Variants in RAB11FIP3 observed in about 807,000 individuals in gnomAD.
RAB11FIP3 encodes the protein RAB11 family interacting protein 3.
In RAB11FIP3, 17 loss-of-function variants were observed where a neutral mutation model predicts 77.8. The ratio of observed to expected loss-of-function variants is 0.22; its 90% confidence interval spans 0.15 to 0.33. RAB11FIP3 has a LOEUF of 0.33. Among genes scored for constraint, RAB11FIP3 ranks in the 10% least tolerant of loss-of-function variants. RAB11FIP3 has a pLI of 1.00. For missense variants in RAB11FIP3, 1,005 were observed against 1,011.2 expected, an observed-to-expected ratio of 0.99 and a Z score of 0.08; for synonymous variants, 437 against 448.2, an observed-to-expected ratio of 0.98 and a Z score of 0.31.
chr16:429,995 G>A (rs760475926), intron 1 of RAB11FIP3, among the ~76,000 whole-genome samples: 4 of 152,028 alleles, frequency 2.6e-5, no homozygotes, highest in East Asian at 1.9e-4. Flanking sequence ...ATCTAATTAC[G>A]TCATCTGGTG....
chr16:467,463 A>C (rs1417266550), intron 2 of RAB11FIP3, among the ~76,000 whole-genome samples: 1 of 149,898 alleles, frequency 6.7e-6, no homozygotes, highest in African/African-American at 2.5e-5. Flanking sequence ...CAGGGGCCTC[A>C]GGGAGGAGGT....
At chr16:449,282 A>G (rs1442905095) in intron 1 of RAB11FIP3, among the ~76,000 whole-genome samples, 1 of 152,120 alleles carries the variant, frequency 6.6e-6, no homozygotes, top group East Asian at 1.9e-4. Flanking sequence ...ACCAGGCGGG[A>G]CAGAGTGTCG....
chr16:476,975 G>A (rs2055923031), intron 3 of RAB11FIP3, among the ~76,000 whole-genome samples: 1 of 151,272 alleles, frequency 6.6e-6, no homozygotes, highest in Non-Finnish European at 1.5e-5. Flanking sequence ...TGTAATCTCA[G>A]CTACTCAGGA....
intron 9 of RAB11FIP3, among the ~76,000 whole-genome samples, chr16:516,064 G>T (rs988979041): frequency 6.6e-6 from 1 of 152,214 alleles, no homozygotes; most frequent in Admixed American, 6.5e-5. Context: ...TGGCCTCCCC[G>T]GCAGTGCAGA....
At chr16:499,605 G>C (rs561893599) in intron 6 of RAB11FIP3, among the ~76,000 whole-genome samples, 113 of 152,206 alleles carry the variant, frequency 7.4e-4, no homozygotes, top group African/African-American at 2.7e-3. Flanking sequence ...AGAACAGCCT[G>C]ACCAACATGG....
chr16:435,520 A>G lies in RAB11FIP3; in HGVS notation c.714+8800A>G, dbSNP rs111725424. Among the ~76,000 whole-genome samples, 914 of 152,358 alleles carry G rather than the reference A, an allele frequency of 6.0e-3. 14 individuals carry two copies. Among genetic ancestry groups the G allele is most frequent in the African/African-American group, 0.021 (865 of 41,578 alleles). ...TGATAGAGTGATGTACTAAATATAC[A>G]TCACACTTACAACCAGGTAGAATTG... On this transcript the variant is annotated intron_variant, in intron 1 of 13. Transcript: ENST00000262305.
In RAB11FIP3 at chr16:520,448, T is replaced by C; in HGVS notation, c.2017-11T>C. 6.2e-7 allele frequency: 1 copy of C among 1,613,090 alleles called. No individual in the cohort carries two copies. Among genetic ancestry groups the C allele is most frequent in the Non-Finnish European group, 8.5e-7 (1 of 1,179,936 alleles). ...GGCCACAGCCCAGTAGTGATGTTGC[T>C]GTGCCTTCAGGACAACCGCAACCTG... is the stretch of plus-strand genomic sequence containing the variant. On this transcript the variant is annotated splice_polypyrimidine_tract_variant and intron_variant, in intron 12 of 13. Transcript: ENST00000262305.
Position 426,229 on chromosome 16 carries a change from G to A in RAB11FIP3, c.223G>A (p.Ala75Thr), listed in dbSNP as rs1388160750. Residue 75 changes from alanine (A) to threonine (T), a missense_variant, in exon 1 of 14, where the codon GCC becomes ACC. This residue lies in a region of RAB11FIP3 where 466 missense variants were observed against 408.3 expected (regional missense o/e 1.14). Coordinates refer to ENST00000262305, the MANE Select transcript of RAB11FIP3 (RefSeq NM_014700.4). This position sits in a 1 kb window ranked among gnomAD's most constrained non-coding sequence, Gnocchi z 5.0. ...CGGGGCGCGTTGGAGCGCCGGGCCG[G>A]CCCCGGGGCTGGAGGGAGGCCCGCG... is the stretch of plus-strand genomic sequence containing the variant. ...DGGARWSAGP[A>T]PGLEGGPRDP... 14 of 1,045,368 alleles carry A rather than the reference G, an allele frequency of 1.3e-5. No individual in the cohort carries two copies. The African/African-American group carries it at 2.1e-4, about 15-fold the overall frequency. 64.8% of individuals were successfully genotyped at this position (1,045,368 alleles called of 1,614,324 possible). A position where few individuals can be genotyped will look rare whatever the true frequency, so the allele number is the denominator to read the frequency against.
intron 2 of RAB11FIP3, among the ~76,000 whole-genome samples, chr16:467,650 G>C (rs1351714538): frequency 3.4e-5 from 4 of 117,142 alleles, no homozygotes; most frequent in East Asian, 2.8e-4. Flanking sequence ...GGGAGGAGGT[G>C]CTGGGGCCTC....
At chr16:483,161 G>GGA (rs1258622755) in intron 4 of RAB11FIP3, among the ~76,000 whole-genome samples, 2 of 152,300 alleles carry the variant, frequency 1.3e-5, no homozygotes, top group South Asian at 4.1e-4. Flanking sequence ...CGGAGTAGAG[G>GGA]GACGGGCAGA....
intron 3 of RAB11FIP3, among the ~76,000 whole-genome samples, chr16:478,513 C>CTAGA (rs1320156757): frequency 2.6e-5 from 4 of 152,096 alleles, no homozygotes; most frequent in African/African-American, 9.7e-5. Flanking sequence ...TCTTACGATA[C>CTAGA]TAGAACTAGA....
intron 1 of RAB11FIP3, among the ~76,000 whole-genome samples, chr16:440,324 T>G (rs2055204276): frequency 6.6e-6 from 1 of 152,040 alleles, no homozygotes; most frequent in African/African-American, 2.4e-5. Context: ...AGAGATGGGG[T>G]TTCGCCATGT....
At chr16:477,617 G>A (rs1348318572) in intron 3 of RAB11FIP3, 1 of 985,296 alleles carries the variant, frequency 1.0e-6, no homozygotes, top group Non-Finnish European at 1.2e-6. Flanking sequence ...GTGGGCCCTG[G>A]GCCCTGCCGT....
chr16:486,950 C>T (rs1240135997), intron 4 of RAB11FIP3, among the ~76,000 whole-genome samples: 1 of 152,194 alleles, frequency 6.6e-6, no homozygotes, highest in Non-Finnish European at 1.5e-5. Flanking sequence ...AGCACCCAAT[C>T]ATAAGAAACA....
At chr16:434,551 C>A (rs546561078) in intron 1 of RAB11FIP3, among the ~76,000 whole-genome samples, 41 of 152,284 alleles carry the variant, frequency 2.7e-4, no homozygotes, top group African/African-American at 9.6e-4. Context: ...CTCAGCCTCC[C>A]AGGTAGCTGG....
At chr16:477,668 G>A (rs1272352886) in intron 3 of RAB11FIP3, 1 of 985,316 alleles carries the variant, frequency 1.0e-6, no homozygotes, top group African/African-American at 1.7e-5. Flanking sequence ...TGAGTAGCAC[G>A]AGAGCTGGGG....
At position 505,707 on chromosome 16, in the gene RAB11FIP3, C is replaced by A; in HGVS notation, c.1499+80C>A. The A allele has an allele frequency of 1.6e-6, 2 of 1,222,854 alleles. No individual in the cohort carries two copies. The highest frequency in any genetic ancestry group is 2.3e-6 in the Non-Finnish European group (2 of 879,466). 75.8% of individuals were successfully genotyped at this position (1,222,854 alleles called of 1,614,324 possible). On this transcript the variant is annotated intron_variant, in intron 8 of 13. Transcript: ENST00000262305. This position sits in a 1 kb window ranked among gnomAD's most constrained non-coding sequence, Gnocchi z 4.0. ...GTCAGCCCCCATTTACTTCTCTTTA[C>A]CTCACACAGCAGGGGCTTGGCCACC...
chr16:492,360 T>TCCAGGGCC lies in RAB11FIP3; in HGVS notation c.1265+3361_1265+3362insCAGGGCCC. 7.4e-4 allele frequency among the ~76,000 whole-genome samples: 19 copies of TCCAGGGCC among 25,634 alleles called. No homozygotes were observed. The East Asian group carries it at 0.013, about 18-fold the overall frequency. The allele number at this position is 25,634 out of a possible 152,430, so 16.8% of individuals were successfully genotyped here. A position where few individuals can be genotyped will look rare whatever the true frequency, so the allele number is the denominator to read the frequency against. ...AAGCAGAAGTGCTCTTTGAAGAGGG[T>TCCAGGGCC]CTTCCCGGGAGACCCGAGGCCGCCC... On this transcript the variant is annotated intron_variant, in intron 5 of 13. Transcript: ENST00000262305.
intron 10 of RAB11FIP3, 156 bp downstream of exon 10, chr16:519,180 T>C (rs2032556682): frequency 1.4e-6 from 1 of 723,680 alleles, no homozygotes; most frequent in Non-Finnish European, 2.3e-6. Flanking sequence ...TGGAAGACAC[T>C]GGACCGTGCT....
Sources: allele counts gnomAD v4.1 joint callset (sites outside exome capture counted in the v4.1 genomes callset), GRCh38; gene constraint gnomAD v4.1.1; regional missense constraint gnomAD v4.1.1; non-coding constraint Gnocchi (gnomAD v3.1); transcripts MANE v1.5; gene names NCBI Gene and HGNC (gene_info 2026-07-23, HGNC 2026-07-21).